SPC25: variants seen among roughly 807,000 people sequenced by gnomAD.
SPC25 encodes the protein kinetochore protein Spc25.
A neutral mutation model predicts 29.6 loss-of-function variants in SPC25; 22 were observed. That is an observed-to-expected ratio of 0.74 (90% CI 0.53 to 1.06). The LOEUF (loss-of-function observed/expected upper bound fraction) is 1.06. SPC25 is among the 50% of genes least tolerant of loss of function. SPC25 has a pLI of 0.00. For synonymous variants in SPC25, 91 were observed against 90.4 expected, an observed-to-expected ratio of 1.01 and a Z score of -0.04; for missense variants, 230 against 255.8, an observed-to-expected ratio of 0.90 and a Z score of 0.69.
At chr2:168,881,715 AAACT>A (rs1690179800) in intron 3 of SPC25, among the ~76,000 whole-genome samples, 1 of 152,260 alleles carries the variant, frequency 6.6e-6, no homozygotes, top group Admixed American at 6.5e-5. Flanking sequence ...CAAATAAACC[AAACT>A]ATCTATACTG....
intron 3 of SPC25, among the ~76,000 whole-genome samples, chr2:168,882,437 T>A (rs530789545): frequency 6.6e-6 from 1 of 152,262 alleles, no homozygotes; most frequent in Non-Finnish European, 1.5e-5. Flanking sequence ...AAACCTCGTC[T>A]CTGCTAAAAA....
At chr2:168,879,180 T>C (rs1690134901) in intron 3 of SPC25, among the ~76,000 whole-genome samples, 1 of 152,186 alleles carries the variant, frequency 6.6e-6, no homozygotes, top group Non-Finnish European at 1.5e-5. Flanking sequence ...TTTATTATAA[T>C]AGGACAACAA....
chr2:168,873,983 C>T (rs1690042338), intron 5 of SPC25, among the ~76,000 whole-genome samples: 1 of 151,978 alleles, frequency 6.6e-6, no homozygotes, highest in South Asian at 2.1e-4. Context: ...AAAATATTTG[C>T]AATCATTTAT....
chr2:168,863,313 G>C (rs1457244577), intron 4 of SPC25: 1 of 727,916 alleles, frequency 1.4e-6, no homozygotes, highest in African/African-American at 1.9e-5. Flanking sequence ...TTTAAGAATA[G>C]TGATTTATGA....
chr2:168,888,924 C>T (rs1259378189), intron 3 of SPC25, among the ~76,000 whole-genome samples: 9 of 87,506 alleles, frequency 1.0e-4, no homozygotes, highest in African/African-American at 2.2e-4. Flanking sequence ...ACTACATGTA[C>T]GTGTGTGTGT....
chr2:168,881,922 A>G (rs2105830989), intron 3 of SPC25, among the ~76,000 whole-genome samples: 1 of 152,364 alleles, frequency 6.6e-6, no homozygotes, highest in East Asian at 1.9e-4. Context: ...TGCTTGAACA[A>G]CATCTCTCAA....
intron 4 of SPC25, among the ~76,000 whole-genome samples, 181 bp from the exon 5 acceptor site, chr2:168,876,357 A>T (rs1690087367): frequency 6.6e-6 from 1 of 152,104 alleles, no homozygotes; most frequent in Non-Finnish European, 1.5e-5. Flanking sequence ...TCAAGTTGGA[A>T]GGAAAAACTG....
downstream of SPC25, among the ~76,000 whole-genome samples, chr2:168,866,548 A>T (rs1206556061): frequency 2.7e-4 from 40 of 148,434 alleles, no homozygotes; most frequent in African/African-American, 6.6e-4. Flanking sequence ...AGGCAATACC[A>T]TTCAGGACAT....
chr2:168,871,488 A>C lies in SPC25; in HGVS notation c.618T>G (p.Asn206Lys). 6.2e-7 allele frequency: 1 copy of C among 1,611,712 alleles called. No individual in the cohort carries two copies. Among genetic ancestry groups the C allele is most frequent in the Non-Finnish European group, 8.5e-7 (1 of 1,178,998 alleles). ...GAACATTGGCAAGAAAAGCTGAAAAATTGTTGGTCTTCCTTACATTCTCTT... is the reference window on the plus strand; with the variant it reads ...GAACATTGGCAAGAAAAGCTGAAAACTTGTTGGTCTTCCTTACATTCTCTT... ...EFQENVRKTN[N>K]FSAFLANVRK... is the part of the protein sequence containing the mutation. The change falls in exon 7 of 7, where the codon AAT (asparagine) becomes AAG (lysine). Residue 206 changes from asparagine to lysine, a missense_variant. Coordinates refer to ENST00000282074, the MANE Select transcript of SPC25 (RefSeq NM_020675.4).
intron 3 of SPC25, among the ~76,000 whole-genome samples, chr2:168,886,642 C>T (rs1323469621): frequency 5.3e-5 from 8 of 152,000 alleles, no homozygotes; most frequent in Non-Finnish European, 1.0e-4. Context: ...GCCTCAGCCT[C>T]CAGAGTAGCT....
intron 4 of SPC25, among the ~76,000 whole-genome samples, chr2:168,864,615 A>G (rs1689737886): frequency 6.6e-6 from 1 of 152,188 alleles, no homozygotes; most frequent in Non-Finnish European, 1.5e-5. Flanking sequence ...ATTTTATGAT[A>G]TATCTCAGTT....
At chr2:168,861,936 T>C (rs746094861) in intron 4 of SPC25, 16 of 1,608,670 alleles carry the variant, frequency 9.9e-6, no homozygotes, top group Non-Finnish European at 1.4e-5. Flanking sequence ...CACAGCATAC[T>C]AATTACAGCT....
chr2:168,867,327 C>T (rs890763644), downstream of SPC25, among the ~76,000 whole-genome samples: 4 of 152,142 alleles, frequency 2.6e-5, no homozygotes, highest in African/African-American at 9.7e-5. Flanking sequence ...ACTGCATCAA[C>T]TAACGAGCAA....
At chr2:168,881,550 C>A (rs1441131687) in intron 3 of SPC25, among the ~76,000 whole-genome samples, 1 of 152,232 alleles carries the variant, frequency 6.6e-6, no homozygotes, top group Non-Finnish European at 1.5e-5. Context: ...GCAGAGGCTA[C>A]TGAGGTCAAA....
chr2:168,881,431 A>G (rs1258429445), intron 3 of SPC25, among the ~76,000 whole-genome samples: 1 of 152,216 alleles, frequency 6.6e-6, no homozygotes. Context: ...GTTGGAAGAA[A>G]GATACAACCG....
downstream of SPC25, among the ~76,000 whole-genome samples, chr2:168,870,549 A>T (rs1689959394): frequency 6.6e-6 from 1 of 151,962 alleles, no homozygotes; most frequent in Non-Finnish European, 1.5e-5. Flanking sequence ...TGGGCGAAGG[A>T]TATGAACAGA....
chr2:168,869,200 T>C (rs376341430), downstream of SPC25, among the ~76,000 whole-genome samples: 4 of 152,034 alleles, frequency 2.6e-5, no homozygotes, highest in East Asian at 1.9e-4. Flanking sequence ...ATTGATGGGA[T>C]GTATCTCAAA....
At chr2:168,863,719 A>G (rs1689640251) in intron 4 of SPC25, 2 of 907,408 alleles carry the variant, frequency 2.2e-6, no homozygotes, top group African/African-American at 1.8e-5. Context: ...ATGCAGAGAC[A>G]TTGTCTTGAT....
chr2:168,872,024 G>T (rs1384363708), intron 6 of SPC25, among the ~76,000 whole-genome samples: 2 of 150,566 alleles, frequency 1.3e-5, no homozygotes, highest in Non-Finnish European at 2.9e-5. Flanking sequence ...CACCAAGCCT[G>T]GAAGTACAGT....
Sources: allele counts gnomAD v4.1 joint callset (sites outside exome capture counted in the v4.1 genomes callset), GRCh38; gene constraint gnomAD v4.1.1; transcripts MANE v1.5; gene names NCBI Gene and HGNC (gene_info 2026-07-23, HGNC 2026-07-21).